The following SRPRA variants were observed in gnomAD, a reference collection of about 807,000 sequenced individuals.
SRPRA encodes the protein SRP receptor subunit alpha, also known as signal recognition particle receptor subunit alpha.
SRPRA carries 30 observed loss-of-function variants against 61.1 expected under a neutral mutation model. That is an observed-to-expected ratio of 0.49 (90% CI 0.37 to 0.67). The LOEUF (loss-of-function observed/expected upper bound fraction) is 0.67. Ranked by LOEUF, SRPRA falls within the 30% of genes least tolerant of loss-of-function variation. The pLI is 0.00. For missense variants in SRPRA, 759 were observed against 828.4 expected (o/e 0.92, Z 1.03); for synonymous variants, 324 against 299.7 (o/e 1.08, Z -0.84).
At chr11:126,253,202 C>T in the SRPRA span, among the ~76,000 whole-genome samples, 1 of 152,170 alleles carries the variant, frequency 6.6e-6, no homozygotes, top group South Asian at 2.1e-4. This position sits in a 1 kb window ranked among gnomAD's most constrained non-coding sequence, Gnocchi z 5.1. Flanking sequence ...CTCATTTCAT[C>T]CTTGGGCCTC....
At position 126,265,954 on chromosome 11, in the gene SRPRA, A is replaced by C. The variant is rs1489410844; in HGVS notation, c.1051+9T>G. 6.2e-7 allele frequency: 1 copy of C among 1,613,982 alleles called. No individual in the cohort carries two copies. The highest frequency in any genetic ancestry group is 1.7e-5 in the Admixed American group (1 of 60,028). Reference sequence around the variant, plus strand: ...GCGAGTATGAGTCAGCCCGGTCCTCAGAACTTACCAATGAGATGATCACGC... The same window carrying C: ...GCGAGTATGAGTCAGCCCGGTCCTCCGAACTTACCAATGAGATGATCACGC... On this transcript the variant is annotated intron_variant, in intron 8 of 13. Coordinates refer to ENST00000332118, the MANE Select transcript of SRPRA (RefSeq NM_003139.4). This position sits in a 1 kb window ranked among gnomAD's most constrained non-coding sequence, Gnocchi z 6.3.
chr11:126,250,346 C>T, the SRPRA span, among the ~76,000 whole-genome samples: 1 of 152,188 alleles, frequency 6.6e-6, no homozygotes, highest in Non-Finnish European at 1.5e-5. This position sits in a 1 kb window ranked among gnomAD's most constrained non-coding sequence, Gnocchi z 5.1. Context: ...CCGCCTCGGT[C>T]TCCCAAAGTG....
At chr11:126,266,722 A>G in intron 5 of SRPRA, 41 bp downstream of exon 5, 2 of 1,611,178 alleles carry the variant, frequency 1.2e-6, no homozygotes, top group Non-Finnish European at 1.7e-6. Context: ...CATTGTGTCT[A>G]GATAACAGTA....
At chr11:126,261,981 T>C (rs1332471589), downstream of SRPRA, 9 of 827,482 alleles carry the variant, frequency 1.1e-5, no homozygotes, top group African/African-American at 1.7e-5. Flanking sequence ...GTAAATAAAA[T>C]TTTAAATAAA....
chr11:126,261,819 T>C (rs771805313), downstream of SRPRA, among the ~76,000 whole-genome samples: 4 of 152,034 alleles, frequency 2.6e-5, no homozygotes, highest in Admixed American at 1.3e-4. Context: ...CAAGATGCTG[T>C]TTCTACAAAA....
In SRPRA at chr11:126,267,201, C is replaced by G. The variant is rs758563969; in HGVS notation, c.500G>C (p.Ser167Thr). The G allele has an allele frequency of 5.0e-6, 8 of 1,611,938 alleles. No individual in the cohort carries two copies. The African/African-American group carries it at 1.1e-4, about 22-fold the overall frequency. ...GEKPKEKAKN[S>T]KKKGAKKEGS... ...TTCCTTCTTGGCCCCCTTTTTTTTG[C>G]TATTCTTTGCTTTTTCCTTGGGCTT... Residue 167 changes from serine (S) to threonine (T), a missense_variant, in exon 4 of 14, where the codon AGC (serine) becomes ACC (threonine). Physicochemically the swap from Ser to Thr is moderately conservative, Grantham distance 58 (BLOSUM62 1). This residue lies in a region of SRPRA where 475 missense variants were observed against 462.5 expected (regional missense o/e 1.03). Transcript: ENST00000332118. This position sits in a 1 kb window ranked among gnomAD's most constrained non-coding sequence, Gnocchi z 4.2.
the SRPRA span, among the ~76,000 whole-genome samples, chr11:126,243,183 T>G: frequency 0.017 from 2,516 of 152,338 alleles, 73 homozygotes; most frequent in African/African-American, 0.054. Flanking sequence ...GATTATTGCT[T>G]GACAGGGCTA....
At chr11:126,245,873 G>C in the SRPRA span, among the ~76,000 whole-genome samples, 1 of 151,964 alleles carries the variant, frequency 6.6e-6, no homozygotes, top group South Asian at 2.1e-4. Context: ...GCGCATGCCT[G>C]TAGTCACAGC....
At chr11:126,257,275 T>C in the SRPRA span, among the ~76,000 whole-genome samples, 1 of 152,216 alleles carries the variant, frequency 6.6e-6, no homozygotes, top group Non-Finnish European at 1.5e-5. Flanking sequence ...AATTTTCAAA[T>C]CTTTGACCTA....
At chr11:126,261,155 G>GAAATGTAAAATGTA (rs10623520), downstream of SRPRA, 770 of 365,096 alleles carry the variant, frequency 2.1e-3, 6 homozygotes, top group East Asian at 0.027. Flanking sequence ...GCCTGTATGT[G>GAAATGTAAAATGTA]AAATGTAAAA....
the SRPRA span, among the ~76,000 whole-genome samples, chr11:126,249,731 C>CAAAAGAAAAAA: frequency 1.3e-5 from 1 of 79,014 alleles, no homozygotes; most frequent in South Asian, 5.3e-4. Context: ...GACTCCGTCT[C>CAAAAGAAAAAA]AAAAAAAAAA....
downstream of SRPRA, chr11:126,262,934 G>A (rs572882438): frequency 6.6e-6 from 1 of 152,594 alleles, no homozygotes; most frequent in Non-Finnish European, 1.5e-5. Context: ...GACCTAAAAG[G>A]CAATTTATTT....
At chr11:126,250,313 G>A in the SRPRA span, among the ~76,000 whole-genome samples, 16,443 of 152,014 alleles carry the variant, frequency 0.11, 1,159 homozygotes, top group Non-Finnish European at 0.16. This position sits in a 1 kb window ranked among gnomAD's most constrained non-coding sequence, Gnocchi z 5.1. Context: ...GGATGGTCTC[G>A]ATCTCCTGAC....
Position 126,264,066 on chromosome 11 carries a change from C to T in SRPRA, c.1789-22G>A. The T allele has an allele frequency of 4.3e-6, 7 of 1,613,922 alleles. No homozygotes were observed. The highest frequency in any genetic ancestry group is 5.9e-6 in the Non-Finnish European group (7 of 1,179,876). On this transcript the variant is annotated intron_variant, in intron 13 of 13. Transcript: ENST00000332118. This position sits in a 1 kb window ranked among gnomAD's most constrained non-coding sequence, Gnocchi z 5.0. ...CCACCTAAGTGGAGAAAGAGGACAG[C>T]CCATCAACACAAGCCCACTTTTCAC...
chr11:126,258,580 A>T (rs1950617991), downstream of SRPRA, among the ~76,000 whole-genome samples: 1 of 152,130 alleles, frequency 6.6e-6, no homozygotes, highest in South Asian at 2.1e-4. Context: ...AACAAGTCTC[A>T]TTTGTGAAAA....
the SRPRA span, among the ~76,000 whole-genome samples, chr11:126,242,682 A>G: frequency 6.6e-6 from 1 of 152,248 alleles, no homozygotes; most frequent in African/African-American, 2.4e-5. Flanking sequence ...AAACCACAAC[A>G]AGGTGCCATT....
At chr11:126,268,624 G>T (rs1950874959) in intron 1 of SRPRA, 64 bp downstream of exon 1, 1 of 1,404,198 alleles carries the variant, frequency 7.1e-7, no homozygotes, top group Non-Finnish European at 1.0e-6. Flanking sequence ...GAATAGAGTC[G>T]AAGGGGACCA....
At chr11:126,251,999 G>A in the SRPRA span, among the ~76,000 whole-genome samples, 4 of 151,430 alleles carry the variant, frequency 2.6e-5, no homozygotes, top group South Asian at 6.3e-4. Flanking sequence ...GTTTTGTTTT[G>A]TTTTGAGATG....
rs115659458 is a variant in SRPRA, at chr11:126,267,566, G to A, written c.348C>T (p.Asp116=). The change falls in exon 3 of 14, where the codon GAC becomes GAT. Residue 116 remains aspartate, a synonymous_variant. Coordinates refer to ENST00000332118, the MANE Select transcript of SRPRA (RefSeq NM_003139.4). The surrounding 1 kb of genome is among the most constrained non-coding windows in gnomAD (Gnocchi z 4.2). ...TCTCTCACCGAAGGAGCCGCAGGAA[G>A]TCATTTTGGAAATCAAAAGTGCCAT... ...LLNGTFDFQN[D]FLRLLREAEE... is the part of the protein sequence containing the mutation. 297 of 1,614,066 alleles carry A rather than the reference G, an allele frequency of 1.8e-4. 1 individual carries two copies. The East Asian group carries it at 4.7e-3, about 25-fold the overall frequency.
Sources: allele counts gnomAD v4.1 joint callset (sites outside exome capture counted in the v4.1 genomes callset), GRCh38; gene constraint gnomAD v4.1.1; regional missense constraint gnomAD v4.1.1; non-coding constraint Gnocchi (gnomAD v3.1); transcripts MANE v1.5; gene names NCBI Gene and HGNC (gene_info 2026-07-23, HGNC 2026-07-21).